The following RNF17 variants were observed in gnomAD, a reference collection of about 807,000 sequenced individuals.
The protein encoded by RNF17 is spermatogenesis associated 23.
A neutral mutation model predicts 200.5 loss-of-function variants in RNF17; 31 were observed. That is an observed-to-expected ratio of 0.15 (90% confidence interval 0.12 to 0.21). The LOEUF (loss-of-function observed/expected upper bound fraction) is 0.21, where lower values mean the gene tolerates loss of function less well. Ranked by LOEUF, RNF17 falls within the 10% of genes least tolerant of loss-of-function variation. RNF17 has a pLI of 1.00. For synonymous variants in RNF17, 606 were observed against 637.8 expected, an observed-to-expected ratio of 0.95 and a Z score of 0.75; for missense variants, 1,628 against 1,905.1, an observed-to-expected ratio of 0.85 and a Z score of 2.71.
chr13:24,791,523 A>G (rs1003836255), intron 9 of RNF17, among the ~76,000 whole-genome samples: 5 of 152,186 alleles, frequency 3.3e-5, no homozygotes, highest in Admixed American at 1.3e-4. Context: ...TTAATTGGAT[A>G]TGAATGCTGA....
downstream of RNF17, chr13:24,884,579 C>G: frequency 1.0e-6 from 1 of 990,806 alleles, no homozygotes; most frequent in Admixed American, 1.8e-5. Context: ...AACATTCCCT[C>G]AAAAGATCCT....
chr13:24,832,334 T>C (rs1427164326), intron 18 of RNF17, among the ~76,000 whole-genome samples: 1 of 152,126 alleles, frequency 6.6e-6, no homozygotes, highest in Non-Finnish European at 1.5e-5. Context: ...ACATGATTGG[T>C]AAACAGCTTT....
chr13:24,830,877 C>T (rs547696128), intron 17 of RNF17, among the ~76,000 whole-genome samples: 12 of 152,248 alleles, frequency 7.9e-5, no homozygotes, highest in East Asian at 7.7e-4. Context: ...GTAAGAGTCA[C>T]GTTCATGATA....
chr13:24,764,723 T>C (rs1310452112), intron 1 of RNF17, among the ~76,000 whole-genome samples: 2 of 152,206 alleles, frequency 1.3e-5, no homozygotes, highest in African/African-American at 4.8e-5. Flanking sequence ...TAGTTTTTGT[T>C]GTAGGAGTAA....
At chr13:24,804,746 A>G (rs999340135) in intron 15 of RNF17, among the ~76,000 whole-genome samples, 7 of 152,208 alleles carry the variant, frequency 4.6e-5, no homozygotes, top group Admixed American at 1.3e-4. Flanking sequence ...TGTACCTCTG[A>G]AAATTTACCG....
chr13:24,765,920 G>A (rs1055373040), intron 1 of RNF17, among the ~76,000 whole-genome samples: 2 of 152,170 alleles, frequency 1.3e-5, no homozygotes, highest in Non-Finnish European at 2.9e-5. Context: ...AACTTGTAAA[G>A]TTTTTAAAAA....
At chr13:24,813,600 C>T (rs1226484677) in intron 15 of RNF17, among the ~76,000 whole-genome samples, 2 of 151,964 alleles carry the variant, frequency 1.3e-5, no homozygotes, top group Non-Finnish European at 2.9e-5. Flanking sequence ...GATACCAACC[C>T]CCGTGTAGTC....
intron 18 of RNF17, among the ~76,000 whole-genome samples, chr13:24,841,297 GT>G (rs1396874701): frequency 6.6e-6 from 1 of 152,184 alleles, no homozygotes; most frequent in Non-Finnish European, 1.5e-5. Context: ...TTGAGTTTTT[GT>G]TGTTTTAAAC....
chr13:24,794,259 G>C (rs199523282), intron 10 of RNF17: 45 of 455,746 alleles, frequency 9.9e-5, no homozygotes, highest in Middle Eastern at 6.5e-4. Flanking sequence ...TGTAACAACT[G>C]TCTGAGCTTG....
At chr13:24,820,793 T>C (rs1465902251) in intron 15 of RNF17, among the ~76,000 whole-genome samples, 3 of 152,186 alleles carry the variant, frequency 2.0e-5, no homozygotes, top group African/African-American at 7.2e-5. Context: ...AGTCTCTTTG[T>C]ATATGACATG....
chr13:24,869,915 G>GT (rs1464178010), intron 31 of RNF17, among the ~76,000 whole-genome samples: 5 of 147,238 alleles, frequency 3.4e-5, no homozygotes, highest in Non-Finnish European at 7.4e-5. Context: ...CCACAGGCAT[G>GT]TACTACCATG....
chr13:24,812,233 C>A (rs547433602), intron 15 of RNF17, among the ~76,000 whole-genome samples: 1 of 151,440 alleles, frequency 6.6e-6, no homozygotes, highest in Non-Finnish European at 1.5e-5. Context: ...GGGCGCCCCT[C>A]CCCCAGCCTC....
rs754345410 is a variant in RNF17 at position 24,774,894 on chromosome 13, C to T, written c.307C>T (p.Gln103Ter). 1 of 1,592,310 alleles carries T rather than the reference C, an allele frequency of 6.3e-7. No individual in the cohort carries two copies. The highest frequency in any genetic ancestry group is 1.7e-5 in the Admixed American group (1 of 59,900). ...GGAAGACTCCATAATGGAAAAACTG[C>T]AGCCTAAGACGTATGTTCCATGTGT... Reference protein sequence around the residue: ...IKEDSIMEKLQPKTIKNCSQD... With the variant: ...IKEDSIMEKL Residue 103 changes from glutamine (Q) to a stop codon, truncating the protein, a stop_gained, in exon 3 of 36, where the codon CAG (glutamine) becomes TAG (stop). Transcript: ENST00000255324. LOFTEE classifies it high-confidence loss of function.
chr13:24,754,342 A>C, the RNF17 span, among the ~76,000 whole-genome samples: 1 of 152,158 alleles, frequency 6.6e-6, no homozygotes, highest in Non-Finnish European at 1.5e-5. Flanking sequence ...AGACTCCAGG[A>C]GTAGACATAC....
At chr13:24,886,052 T>A in the RNF17 span, 5 of 364,112 alleles carry the variant, frequency 1.4e-5, no homozygotes, top group African/African-American at 1.1e-4. Context: ...CCCTTGTGGC[T>A]ATGGTATAAA....
intron 9 of RNF17, among the ~76,000 whole-genome samples, 179 bp downstream of exon 9, chr13:24,789,951 C>T (rs1442955064): frequency 6.6e-6 from 1 of 152,006 alleles, no homozygotes; most frequent in Non-Finnish European, 1.5e-5. Flanking sequence ...GATCAGTATT[C>T]AGCAATATAC....
intron 6 of RNF17, 66 bp downstream of exon 6, chr13:24,782,010 C>A: frequency 1.9e-6 from 2 of 1,042,802 alleles, no homozygotes; most frequent in Non-Finnish European, 3.0e-6. Context: ...TCATTGTATT[C>A]CTTTGTTTAG....
intron 5 of RNF17, among the ~76,000 whole-genome samples, chr13:24,781,155 G>A (rs1348384804): frequency 1.3e-5 from 2 of 151,788 alleles, no homozygotes; most frequent in Admixed American, 1.3e-4. Context: ...TACTAAGATT[G>A]TGTAATACTT....
At chr13:24,868,814 T>G in intron 31 of RNF17, 98 bp downstream of exon 31, 1 of 729,038 alleles carries the variant, frequency 1.4e-6, no homozygotes, top group Non-Finnish European at 2.4e-6. Context: ...TTTTCCTGAT[T>G]TCAAATGTTG....
Sources: allele counts gnomAD v4.1 joint callset (sites outside exome capture counted in the v4.1 genomes callset), GRCh38; gene constraint gnomAD v4.1.1; transcripts MANE v1.5; gene names NCBI Gene and HGNC (gene_info 2026-07-23, HGNC 2026-07-21).